The following TWF2 variants were observed in gnomAD, a reference collection of about 807,000 sequenced individuals.
TWF2 encodes the protein twinfilin actin binding protein 2, also known as twinfilin-2.
TWF2 carries 15 observed loss-of-function variants against 45.1 expected under a neutral mutation model. The ratio of observed to expected loss-of-function variants is 0.33; its 90% CI spans 0.22 to 0.51. TWF2 has a LOEUF of 0.51. Ranked by LOEUF, TWF2 falls within the 20% of genes least tolerant of loss-of-function variation. TWF2 has a pLI of 0.97. For synonymous variants in TWF2, 177 were observed against 195.8 expected, an observed-to-expected ratio of 0.90 and a Z score of 0.80; for missense variants, 423 against 469.1, an observed-to-expected ratio of 0.90 and a Z score of 0.91.
At chr3:52,238,658 G>T (rs752826558) in intron 1 of TWF2, among the ~76,000 whole-genome samples, 15 of 152,188 alleles carry the variant, frequency 9.9e-5, no homozygotes, top group Non-Finnish European at 1.9e-4. Context: ...GCACAGGCAG[G>T]ACTGTACACG....
Position 52,229,022 on chromosome 3 carries a change from T to G in TWF2, c.*12A>C. On this transcript the variant is annotated 3_prime_UTR_variant, in exon 9 of 9. Transcript: ENST00000305533. ...CCCACAGTCCACACGTGGCCGGCCC[T>G]GCTCCAGCCTCCTAGCTGTCATCCC... 6.2e-7 allele frequency: 1 copy of G among 1,609,926 alleles called. No homozygotes were observed. Among genetic ancestry groups the G allele is most frequent in the Non-Finnish European group, 8.5e-7 (1 of 1,179,022 alleles).
intron 1 of TWF2, among the ~76,000 whole-genome samples, chr3:52,236,027 G>A (rs1302954541): frequency 6.6e-6 from 1 of 152,146 alleles, no homozygotes; most frequent in Non-Finnish European, 1.5e-5. Flanking sequence ...TTGGTCAGGT[G>A]CGGTGGCTCT....
intron 1 of TWF2, among the ~76,000 whole-genome samples, chr3:52,238,253 ACT>A (rs1699745611): frequency 6.6e-6 from 1 of 152,136 alleles, no homozygotes; most frequent in African/African-American, 2.4e-5. Flanking sequence ...ACTGAGGCAG[ACT>A]CAGAAAGTCA....
At chr3:52,237,429 G>T (rs1258297038) in intron 1 of TWF2, among the ~76,000 whole-genome samples, 1 of 152,222 alleles carries the variant, frequency 6.6e-6, no homozygotes, top group Non-Finnish European at 1.5e-5. Context: ...GATCTCTGCT[G>T]CCAACTTCCC....
chr3:52,229,160 G>C lies in TWF2; in HGVS notation c.924C>G (p.Leu308=), dbSNP rs1475108275. 1.9e-6 allele frequency: 3 copies of C among 1,613,070 alleles called. No individual in the cohort carries two copies. The highest frequency in any genetic ancestry group is 2.2e-5 in the South Asian group (2 of 91,074). Residue 308 remains leucine (L), a synonymous_variant, in exon 9 of 9, where the codon CTC becomes CTG. Transcript: ENST00000305533. Reference sequence around the variant, plus strand: ...GTTGCTTGGGGTGCACCTCGTCGTAGAGGAACTCTGCCGTCAGCTCTGCCC... The same window carrying C: ...GTTGCTTGGGGTGCACCTCGTCGTACAGGAACTCTGCCGTCAGCTCTGCCC... ...GDGAELTAEF[L]YDEVHPKQHA...
rs1052028543 is a variant in TWF2, at chr3:52,232,690, C to T, written c.104-568G>A. On this transcript the variant is annotated intron_variant, in intron 2 of 8. Coordinates refer to ENST00000305533, the MANE Select transcript of TWF2 (RefSeq NM_007284.4). ...AGACCCTGGATAAACAGACATCCTG[C>T]GGCTACCTGCCAGCTGCAGTCCCCT... Among the ~76,000 whole-genome samples, 4 of 152,182 alleles carry T rather than the reference C, an allele frequency of 2.6e-5. No homozygotes were observed. In the East Asian group the frequency reaches 5.8e-4, roughly 22 times the overall value.
chr3:52,235,096 C>G lies in TWF2; in HGVS notation c.36G>C (p.Glu12Asp), dbSNP rs751147681. ...GTGCCTTGGCAAAGAATTCCTTCAG[C>G]TCTTCCGTGGCTATAAGAACAAGAA... ...AHQTGIHATE[E>D]LKEFFAKARA... The change falls in exon 2 of 9, where the codon GAG (glutamate) becomes GAC (aspartate). Residue 12 changes from glutamate to aspartate, a missense_variant. Glu to Asp is a conservative substitution (Grantham distance 45, BLOSUM62 2). Coordinates refer to ENST00000305533, the MANE Select transcript of TWF2 (RefSeq NM_007284.4). 1.9e-6 allele frequency: 3 copies of G among 1,613,930 alleles called. No individual in the cohort carries two copies. Among genetic ancestry groups the G allele is most frequent in the Non-Finnish European group, 2.5e-6 (3 of 1,180,012 alleles).
Position 52,231,107 on chromosome 3 carries a change from G to A in TWF2, c.483+20C>T, listed in dbSNP as rs1158348051. Reference sequence around the variant, plus strand: ...TATGACCCTGAGGGCTCAAGGCTGGGGCCTCTGCTCCCCACCCACCTCGTT... The same window carrying A: ...TATGACCCTGAGGGCTCAAGGCTGGAGCCTCTGCTCCCCACCCACCTCGTT... On this transcript the variant is annotated intron_variant, in intron 5 of 8. Coordinates refer to ENST00000305533, the MANE Select transcript of TWF2 (RefSeq NM_007284.4). The A allele has an allele frequency of 1.2e-6, 2 of 1,613,930 alleles. No individual in the cohort carries two copies. The highest frequency in any genetic ancestry group is 3.3e-5 in the Admixed American group (2 of 60,010).
At chr3:52,230,618 C>T (rs1040303883) in intron 6 of TWF2, among the ~76,000 whole-genome samples, 2 of 152,064 alleles carry the variant, frequency 1.3e-5, no homozygotes, top group Non-Finnish European at 2.9e-5. Flanking sequence ...CACAGGTGTA[C>T]CTGTGTATGA....
chr3:52,231,848 C>A (rs553740078), intron 3 of TWF2, 96 bp downstream of exon 3: 229 of 1,513,210 alleles, frequency 1.5e-4, no homozygotes, highest in Non-Finnish European at 2.0e-4. Context: ...CCTCCAGGGG[C>A]AGGCCTGTGT....
intron 8 of TWF2, 137 bp from the exon 9 acceptor site, chr3:52,229,338 C>A: frequency 7.8e-7 from 1 of 1,280,544 alleles, no homozygotes; most frequent in Non-Finnish European, 1.0e-6. Context: ...CTTGATTCCC[C>A]ACCTGGAATG....
intron 1 of TWF2, among the ~76,000 whole-genome samples, chr3:52,238,303 G>T (rs1475318601): frequency 2.6e-5 from 4 of 152,222 alleles, no homozygotes; most frequent in African/African-American, 9.6e-5. Context: ...GTCAAGGTCA[G>T]ATAGGCAGCT....
In TWF2 at chr3:52,228,838, C is replaced by A. The variant is rs953892818; in HGVS notation, c.*196G>T. ...TCCCCGGACACCCTGGGCACACAGACGAGATGCAGGGACAGCAACAGGGAA... is the reference window on the plus strand; with the variant it reads ...TCCCCGGACACCCTGGGCACACAGAAGAGATGCAGGGACAGCAACAGGGAA... On this transcript the variant is annotated 3_prime_UTR_variant, in exon 9 of 9. Transcript: ENST00000305533. 2 of 828,980 alleles carry A rather than the reference C, an allele frequency of 2.4e-6. No homozygotes were observed. Among genetic ancestry groups the A allele is most frequent in the Non-Finnish European group, 1.8e-6 (1 of 551,416 alleles). 51.4% of individuals were successfully genotyped at this position (828,980 alleles called of 1,614,324 possible).
chr3:52,230,907 T>G lies in TWF2; in HGVS notation c.572A>C (p.Gln191Pro). ...PLQPEAQRAL[Q>P]QLKQKMVNYI... is the part of the protein sequence containing the mutation. ...GTTGACCATTTTCTGCTTGAGCTGC[T>G]GGAGTGCCCGCTGGGCCTCAGGCTG... is the stretch of plus-strand genomic sequence containing the variant. Residue 191 changes from glutamine (Q) to proline (P), a missense_variant, in exon 6 of 9, where the codon CAG (glutamine) becomes CCG (proline). Transcript: ENST00000305533. 1 of 1,609,550 alleles carries G rather than the reference T, an allele frequency of 6.2e-7. No homozygotes were observed. Among genetic ancestry groups the G allele is most frequent in the Non-Finnish European group, 8.5e-7 (1 of 1,177,972 alleles).
intron 8 of TWF2, 126 bp from the exon 9 acceptor site, chr3:52,229,327 C>A (rs1223453827): frequency 1.5e-6 from 2 of 1,321,462 alleles, no homozygotes; most frequent in East Asian, 5.0e-5. Context: ...TGAGGTCTCC[C>A]CTTGATTCCC....
chr3:52,237,437 C>T (rs921758625), intron 1 of TWF2, among the ~76,000 whole-genome samples: 4 of 152,234 alleles, frequency 2.6e-5, no homozygotes, highest in African/African-American at 9.6e-5. Context: ...CTGCCAACTT[C>T]CCAGGCCAGA....
Position 52,238,599 on chromosome 3 carries a change from C to T in TWF2, c.25+393G>A, listed in dbSNP as rs563264714. On this transcript the variant is annotated intron_variant, in intron 1 of 8. Transcript: ENST00000305533. The stretch of plus-strand genomic sequence containing the variant: ...TGTCCATTCAAACAGTCACTAGTGC[C>T]AGTGCATGAATGACCCTAGATGTAC... Among the ~76,000 whole-genome samples the T allele has an allele frequency of 5.0e-4, 76 of 152,332 alleles. No homozygotes were observed. The South Asian group carries it at 0.015, about 31-fold the overall frequency.
At chr3:52,235,179 C>A in intron 1 of TWF2, 73 bp from the exon 2 acceptor site, 1 of 1,487,466 alleles carries the variant, frequency 6.7e-7, no homozygotes, top group Non-Finnish European at 9.3e-7. Context: ...CCTGCTCTGT[C>A]CCACAGGGTC....
chr3:52,231,774 C>T (rs1164072950), intron 3 of TWF2, among the ~76,000 whole-genome samples, 170 bp downstream of exon 3: 1 of 152,296 alleles, frequency 6.6e-6, no homozygotes, highest in East Asian at 1.9e-4. Context: ...ACCCAGGCTG[C>T]GGGCACAGGG....
Sources: gnomAD v4.1 joint callset for allele counts (sites outside exome capture counted in the v4.1 genomes callset) on GRCh38, gnomAD v4.1.1 for gene constraint, MANE v1.5 for transcripts, NCBI Gene and HGNC (gene_info 2026-07-23, HGNC 2026-07-21) for gene names.